TNS1: variants seen among roughly 807,000 people sequenced by gnomAD.
The protein encoded by TNS1 is tensin 1.
A neutral mutation model predicts 168.6 loss-of-function variants in TNS1; 62 were observed. That is an observed-to-expected ratio of 0.37 (90% CI 0.30 to 0.45). The LOEUF (loss-of-function observed/expected upper bound fraction) is 0.45. TNS1 is among the 20% of genes least tolerant of loss of function. TNS1 has a pLI of 1.00. For synonymous variants in TNS1, 934 were observed against 933.2 expected (o/e 1.00, Z -0.02); for missense variants, 2,240 against 2,339.4 (o/e 0.96, Z 0.88).
At position 218,008,784 on chromosome 2, in the gene TNS1, A is replaced by G. The variant is rs182611620; in HGVS notation, c.96+1316T>C. Reference sequence around the variant, plus strand: ...CTTCCCATCCATTTGGATGGCAAGCATGGATACTGGGAGAAATCTCTCCAT... The same window carrying G: ...CTTCCCATCCATTTGGATGGCAAGCGTGGATACTGGGAGAAATCTCTCCAT... On this transcript the variant is annotated intron_variant, in intron 1 of 32. Transcript: ENST00000646520. Among the ~76,000 whole-genome samples, 62 of 152,340 alleles carry G rather than the reference A, an allele frequency of 4.1e-4. 2 individuals carry two copies. The East Asian group carries it at 9.6e-3, about 24-fold the overall frequency.
chr2:217,820,459 T>C (rs1487080314), intron 23 of TNS1, among the ~76,000 whole-genome samples: 1 of 152,148 alleles, frequency 6.6e-6, no homozygotes, highest in East Asian at 1.9e-4. Flanking sequence ...CCTCTGCTCA[T>C]CTGCTCCCCT....
chr2:217,977,629 CT>C (rs1957929322), intron 3 of TNS1, among the ~76,000 whole-genome samples: 1 of 151,868 alleles, frequency 6.6e-6, no homozygotes, highest in Admixed American at 6.5e-5. Flanking sequence ...CATACATTAC[CT>C]CATTGAATTC....
chr2:218,007,643 G>C (rs887026014), upstream of TNS1, among the ~76,000 whole-genome samples: 1 of 151,966 alleles, frequency 6.6e-6, no homozygotes, highest in Non-Finnish European at 1.5e-5. Context: ...CATGGGTCAG[G>C]ATGAGACCAA....
chr2:217,927,655 G>A (rs111632732), intron 3 of TNS1, among the ~76,000 whole-genome samples: 2,077 of 152,288 alleles, frequency 0.014, 49 homozygotes, highest in African/African-American at 0.048. Flanking sequence ...GCACCCTGAA[G>A]CCTAGGGGCC....
chr2:217,848,664 G>A lies in TNS1; in HGVS notation c.1853C>T (p.Ala618Val). 6.2e-7 allele frequency: 1 copy of A among 1,614,210 alleles called. No individual in the cohort carries two copies. The highest frequency in any genetic ancestry group is 8.5e-7 in the Non-Finnish European group (1 of 1,180,026). Residue 618 changes from alanine to valine, a missense_variant, in exon 19 of 33, where the codon GCA becomes GTA. By Grantham distance (64) the Ala-to-Val change is moderately conservative. Around this residue, in one of 2 missense-constraint regions of TNS1, gnomAD observed 2,131 missense variants for 2,171.2 expected, o/e 0.98. Transcript: ENST00000682258. Reference sequence around the variant, plus strand: ...CAGGATGTCTGTCTCCCGCTCAGATGCTAACGCCCCACCATTGACATGAAC... The same window carrying A: ...CAGGATGTCTGTCTCCCGCTCAGATACTAACGCCCCACCATTGACATGAAC... ...AQVHVNGGAL[A>V]SERETDILDD... is the part of the protein sequence containing the mutation.
upstream of TNS1, among the ~76,000 whole-genome samples, chr2:218,007,287 C>G (rs1958666693): frequency 6.6e-6 from 1 of 152,166 alleles, no homozygotes; most frequent in South Asian, 2.1e-4. Context: ...ATTAACTAGG[C>G]ACTTGGCTTG....
In TNS1 at chr2:217,986,730, T is replaced by TACACACACACAC. The variant is rs60286055; in HGVS notation, c.148+4200_148+4211dup. Reference sequence around the variant, plus strand: ...ACTGAGTCAGAAACGGCCCTCCACATACACACACACACACACACACACACA... The same window carrying TACACACACACAC: ...ACTGAGTCAGAAACGGCCCTCCACATACACACACACACACACACACACACACACACACACACA... On this transcript the variant is annotated intron_variant, in intron 2 of 32. Transcript: ENST00000682258. This position sits in a 1 kb window ranked among gnomAD's most constrained non-coding sequence, Gnocchi z 4.7. 1 of 147,710 alleles carries TACACACACACAC rather than the reference T, an allele frequency of 6.8e-6. No homozygotes were observed. Among genetic ancestry groups the TACACACACACAC allele is most frequent in the African/African-American group, 2.5e-5 (1 of 40,276 alleles). 9.1% of individuals were successfully genotyped at this position (147,710 alleles called of 1,614,324 possible).
At chr2:217,927,731 C>T (rs1490138920) in intron 3 of TNS1, among the ~76,000 whole-genome samples, 3 of 152,186 alleles carry the variant, frequency 2.0e-5, no homozygotes, top group Non-Finnish European at 4.4e-5. Context: ...ACTTCTCTTC[C>T]TCACCCAGAG....
At chr2:217,805,611 C>A (rs1574524518) in intron 32 of TNS1, among the ~76,000 whole-genome samples, 1 of 134,998 alleles carries the variant, frequency 7.4e-6, no homozygotes, top group South Asian at 2.4e-4. Flanking sequence ...ACCACACACA[C>A]CACACACATA....
intron 24 of TNS1, among the ~76,000 whole-genome samples, chr2:217,817,300 G>T (rs575175728): frequency 6.6e-6 from 1 of 152,216 alleles, no homozygotes; most frequent in South Asian, 2.1e-4. Flanking sequence ...TTGTAAACTG[G>T]GGTTAATAAT....
chr2:218,010,137 G>A (rs986231334), exon 1 of TNS1: 3 of 399,178 alleles, frequency 7.5e-6, no homozygotes, highest in African/African-American at 6.2e-5. Context: ...CAGGAGGCAC[G>A]AGAAGAGGTA....
rs1391589564 is a variant in TNS1, at chr2:217,813,852, A to G, written c.4730-36T>C. 6.4e-7 allele frequency: 1 copy of G among 1,555,594 alleles called. No homozygotes were observed. The highest frequency in any genetic ancestry group is 8.7e-7 in the Non-Finnish European group (1 of 1,149,060). On this transcript the variant is annotated intron_variant, in intron 25 of 32. Transcript: ENST00000682258. The surrounding 1 kb of genome is among the most constrained non-coding windows in gnomAD (Gnocchi z 4.0). ...AAGGGACAAGGAGAGAGGAGGAAGCAAGACCTCGGTGGCGCTAGTTTTACT... is the reference window on the plus strand; with the variant it reads ...AAGGGACAAGGAGAGAGGAGGAAGCGAGACCTCGGTGGCGCTAGTTTTACT...
In TNS1 at chr2:217,849,047, C is replaced by T. The variant is rs375629497; in HGVS notation, c.1470G>A (p.Leu490=). Residue 490 remains leucine (L), a synonymous_variant, in exon 19 of 33, where the codon CTG becomes CTA. Coordinates refer to ENST00000682258, the MANE Select transcript of TNS1 (RefSeq NM_001387777.1). ...GHTQGPLDGS[L]YAKVKKKDSL... is the part of the protein sequence containing the mutation. ...AGTCTTTCTTCTTCACCTTAGCATA[C>T]AGGCTCCCATCTAGTGGCCCCTGCG... 24 of 1,613,460 alleles carry T rather than the reference C, an allele frequency of 1.5e-5. No homozygotes were observed. The African/African-American group carries it at 2.7e-4, about 18-fold the overall frequency.
rs1400269824 is a variant in TNS1, at chr2:218,016,748, G to A, written c.156+17072C>T. 2.6e-5 allele frequency among the ~76,000 whole-genome samples: 4 copies of A among 152,198 alleles called. No individual in the cohort carries two copies. The East Asian group carries it at 7.7e-4, about 29-fold the overall frequency. ...AATCCAAAATAGGAGAGGCACTGGG[G>A]CTGAGACCTGGCGTCAAAGACTGGA... On this transcript the variant is annotated intron_variant, in intron 1 of 1. Coordinates refer to the TNS1 transcript ENST00000649572.
At chr2:217,908,824 G>A (rs914039803) in intron 4 of TNS1, among the ~76,000 whole-genome samples, 1 of 152,050 alleles carries the variant, frequency 6.6e-6, no homozygotes, top group African/African-American at 2.4e-5. Flanking sequence ...GGGGGACAGG[G>A]GCCAACCCCT....
At position 218,033,755 on chromosome 2, in the gene TNS1, G is replaced by A. The variant is rs1205530041; in HGVS notation, c.156+65C>T. 6.6e-6 allele frequency among the ~76,000 whole-genome samples: 1 copy of A among 152,138 alleles called. No homozygotes were observed. The highest frequency in any genetic ancestry group is 1.5e-5 in the Non-Finnish European group (1 of 68,014). ...CTACTTAACCTGTGTCAGGTGCCCT[G>A]GGCTCTGCCAACCGCCAGCTCCCGA... On this transcript the variant is annotated intron_variant, in intron 1 of 1. Coordinates refer to the TNS1 transcript ENST00000649572. This position sits in a 1 kb window ranked among gnomAD's most constrained non-coding sequence, Gnocchi z 4.3.
At chr2:217,830,086 C>A in intron 22 of TNS1, 2 of 750,536 alleles carry the variant, frequency 2.7e-6, no homozygotes, top group Non-Finnish European at 1.6e-6. Context: ...AGAAGGACTC[C>A]AAGGGGAAGG....
chr2:217,983,201 A>G (rs1246903715), intron 2 of TNS1, among the ~76,000 whole-genome samples: 1 of 152,174 alleles, frequency 6.6e-6, no homozygotes, highest in Non-Finnish European at 1.5e-5. Flanking sequence ...ACATGCAGGG[A>G]GAAACAAGAG....
At chr2:217,989,660 T>C (rs1467626337) in intron 2 of TNS1, among the ~76,000 whole-genome samples, 1 of 152,048 alleles carries the variant, frequency 6.6e-6, no homozygotes, top group Non-Finnish European at 1.5e-5. Flanking sequence ...AAATAGCGAT[T>C]GAAAAGCCTG....
Sources: gnomAD v4.1 joint callset for allele counts (sites outside exome capture counted in the v4.1 genomes callset) on GRCh38, gnomAD v4.1.1 for gene constraint, gnomAD v4.1.1 regional missense constraint, Gnocchi (gnomAD v3.1) non-coding constraint, MANE v1.5 for transcripts, NCBI Gene and HGNC (gene_info 2026-07-23, HGNC 2026-07-21) for gene names.